Variants in SLC25A17 observed in about 807,000 individuals in gnomAD.
SLC25A17 encodes the protein peroxisomal membrane protein PMP34.
Under a neutral mutation model 38.5 loss-of-function variants are expected in SLC25A17, and 26 were observed. The ratio of observed to expected loss-of-function variants is 0.68; its 90% CI spans 0.50 to 0.94. The LOEUF is 0.94. Among genes scored for constraint, SLC25A17 ranks in the 40% least tolerant of loss-of-function variants. SLC25A17 has a pLI of 0.00. For synonymous variants in SLC25A17, 139 were observed against 136.2 expected, an observed-to-expected ratio of 1.02 and a Z score of -0.14; for missense variants, 333 against 372.7, an observed-to-expected ratio of 0.89 and a Z score of 0.88.
At position 40,769,814 on chromosome 22, in the gene SLC25A17, G is replaced by A. The variant is rs1466399708; in HGVS notation, c.*1020C>T. On this transcript the variant is annotated 3_prime_UTR_variant, in exon 9 of 9. Coordinates refer to ENST00000435456, the MANE Select transcript of SLC25A17 (RefSeq NM_006358.4). ...TACGGAACAGGATTCAGAAACTCTG[G>A]GTTGCGTGCCCAGCAAGCTCTCAGC... 1 of 152,152 alleles carries A rather than the reference G, an allele frequency of 6.6e-6. No homozygotes were observed. Among genetic ancestry groups the A allele is most frequent in the Non-Finnish European group, 1.5e-5 (1 of 68,032 alleles). The allele number at this position is 152,152 out of a possible 1,614,324, so 9.4% of individuals were successfully genotyped here.
In SLC25A17 at chr22:40,819,230, A is replaced by T; in HGVS notation, c.19T>A (p.Tyr7Asn). The T allele has an allele frequency of 6.2e-7, 1 of 1,613,740 alleles. No individual in the cohort carries two copies. Among genetic ancestry groups the T allele is most frequent in the Non-Finnish European group, 8.5e-7 (1 of 1,180,008 alleles). The change falls in exon 1 of 9, where the codon TAC (tyrosine) becomes AAC (asparagine). Residue 7 changes from tyrosine (Y) to asparagine (N), a missense_variant. By Grantham distance (143) the Tyr-to-Asn change is moderately radical. Transcript: ENST00000435456. ...GCCACGGCGTGGACCAGGCTTTCGT[A>T]GGACAGCACGGAAGCCATTGGTGCG... is the stretch of plus-strand genomic sequence containing the variant. The part of the protein sequence containing the change: MASVLS[Y>N]ESLVHAVAGA...
chr22:40,787,014 A>T (rs2057344211), intron 4 of SLC25A17, among the ~76,000 whole-genome samples: 1 of 152,244 alleles, frequency 6.6e-6, no homozygotes. Flanking sequence ...ACTGTCTAGC[A>T]AAAGATGAAG....
At chr22:40,803,406 T>C (rs1602620113) in intron 1 of SLC25A17, among the ~76,000 whole-genome samples, 4 of 152,252 alleles carry the variant, frequency 2.6e-5, no homozygotes, top group Admixed American at 2.6e-4. Flanking sequence ...GATCATGTGA[T>C]GTTTGTTCTG....
intron 1 of SLC25A17, among the ~76,000 whole-genome samples, chr22:40,811,184 T>C (rs1345516995): frequency 2.6e-5 from 4 of 152,208 alleles, no homozygotes; most frequent in Middle Eastern, 3.4e-3. Context: ...ATCCTTCTAA[T>C]AGTTAAGATT....
At chr22:40,799,158 A>C in intron 1 of SLC25A17, 75 bp from the exon 2 acceptor site, 1 of 1,143,008 alleles carries the variant, frequency 8.7e-7, no homozygotes, top group East Asian at 2.4e-5. Context: ...TTGAGACAGG[A>C]TCTTGCTCTG....
intron 1 of SLC25A17, among the ~76,000 whole-genome samples, chr22:40,800,202 A>C (rs1372535530): frequency 6.6e-6 from 1 of 152,210 alleles, no homozygotes; most frequent in Admixed American, 6.5e-5. Flanking sequence ...AAACAAGCAA[A>C]CAACAAGTTT....
At chr22:40,783,319 T>C (rs1249888013) in intron 4 of SLC25A17, among the ~76,000 whole-genome samples, 2 of 152,190 alleles carry the variant, frequency 1.3e-5, no homozygotes, top group African/African-American at 4.8e-5. Context: ...GCAGTCTCCC[T>C]GGCCTCTACC....
In SLC25A17 at chr22:40,770,804, C is replaced by T. The variant is rs769572734; in HGVS notation, c.*30G>A. 3 of 1,578,598 alleles carry T rather than the reference C, an allele frequency of 1.9e-6. No homozygotes were observed. The highest frequency in any genetic ancestry group is 2.6e-6 in the Non-Finnish European group (3 of 1,156,258). On this transcript the variant is annotated 3_prime_UTR_variant, in exon 9 of 9. Transcript: ENST00000435456. ...CTCAGGAGGAAACCTCCCTCTTGAG[C>T]ATCTTCGGAATTTTTCATGGGAAGG...
At chr22:40,813,495 G>A (rs1304755920) in intron 1 of SLC25A17, among the ~76,000 whole-genome samples, 1 of 151,920 alleles carries the variant, frequency 6.6e-6, no homozygotes, top group East Asian at 1.9e-4. Context: ...CCGAGATCGT[G>A]CCACCGCACT....
At chr22:40,784,628 T>C in intron 4 of SLC25A17, 1 of 203,202 alleles carries the variant, frequency 4.9e-6, no homozygotes, top group South Asian at 5.5e-5. Flanking sequence ...AAAAAAAAAT[T>C]AGCTGGGTGT....
intron 1 of SLC25A17, chr22:40,813,818 G>C (rs965782364): frequency 5.2e-5 from 8 of 152,432 alleles, no homozygotes; most frequent in Admixed American, 3.3e-4. Flanking sequence ...GTCCTTTATA[G>C]CTATAGTATC....
chr22:40,797,660 C>T (rs2145683534), intron 2 of SLC25A17, among the ~76,000 whole-genome samples: 1 of 152,270 alleles, frequency 6.6e-6, no homozygotes, highest in South Asian at 2.1e-4. Flanking sequence ...AACATGATAT[C>T]TTCTAGAAAG....
At chr22:40,801,012 G>C (rs1451869110) in intron 1 of SLC25A17, among the ~76,000 whole-genome samples, 1 of 149,288 alleles carries the variant, frequency 6.7e-6, no homozygotes, top group Non-Finnish European at 1.5e-5. Context: ...GCTGAGGCAG[G>C]GGAATTGCTT....
At chr22:40,815,538 A>C (rs945052680) in intron 1 of SLC25A17, among the ~76,000 whole-genome samples, 7 of 152,236 alleles carry the variant, frequency 4.6e-5, no homozygotes, top group Non-Finnish European at 4.4e-5. Context: ...CCATGAGGCA[A>C]GAGAACATTT....
At chr22:40,796,615 C>CAAAA (rs766239207) in intron 2 of SLC25A17, among the ~76,000 whole-genome samples, 1 of 96,468 alleles carries the variant, frequency 1.0e-5, no homozygotes. Flanking sequence ...GACTCTGTCT[C>CAAAA]AAAAAAAAAA....
chr22:40,803,884 A>G (rs984756101), intron 1 of SLC25A17, among the ~76,000 whole-genome samples: 1 of 148,996 alleles, frequency 6.7e-6, no homozygotes, highest in Non-Finnish European at 1.5e-5. Flanking sequence ...CATTTCCACT[A>G]TGTCGGATCT....
intron 1 of SLC25A17, among the ~76,000 whole-genome samples, chr22:40,804,182 G>A (rs1175182150): frequency 6.6e-6 from 1 of 151,972 alleles, no homozygotes; most frequent in African/African-American, 2.4e-5. Flanking sequence ...ATAATATCTA[G>A]TGCTCCTTTG....
chr22:40,811,635 G>A (rs1244561683), intron 1 of SLC25A17, among the ~76,000 whole-genome samples: 1 of 151,966 alleles, frequency 6.6e-6, no homozygotes, highest in Non-Finnish European at 1.5e-5. Context: ...TTATGATCAT[G>A]GTGGAAGGTG....
At chr22:40,775,763 G>A (rs979956407) in intron 7 of SLC25A17, among the ~76,000 whole-genome samples, 6 of 152,130 alleles carry the variant, frequency 3.9e-5, no homozygotes, top group Non-Finnish European at 7.4e-5. Context: ...GCGCCCAACC[G>A]ATCTGATGGT....
Sources: allele counts gnomAD v4.1 joint callset (sites outside exome capture counted in the v4.1 genomes callset), GRCh38; gene constraint gnomAD v4.1.1; transcripts MANE v1.5; gene names NCBI Gene and HGNC (gene_info 2026-07-23, HGNC 2026-07-21).